CDH6: variants seen among roughly 807,000 people sequenced by gnomAD.
CDH6 encodes the protein cadherin 6.
In CDH6, 31 loss-of-function variants were observed where a neutral mutation model predicts 78.0. That is an observed-to-expected ratio of 0.40 (90% CI 0.30 to 0.54). The LOEUF (loss-of-function observed/expected upper bound fraction) is 0.54. Ranked by LOEUF, CDH6 falls within the 20% of genes least tolerant of loss-of-function variation. The pLI, the probability that CDH6 is intolerant of heterozygous loss-of-function variation, is 0.56. For missense variants in CDH6, 724 were observed against 975.9 expected (o/e 0.74, Z 3.44); for synonymous variants, 376 against 368.8 (o/e 1.02, Z -0.23).
rs1265341879 is a variant in CDH6, at chr5:31,299,158, A to G, written c.644-306A>G. 2.0e-5 allele frequency among the ~76,000 whole-genome samples: 3 copies of G among 152,236 alleles called. No individual in the cohort carries two copies. The East Asian group carries it at 5.8e-4, about 29-fold the overall frequency. ...TCATCTTATAACACTTAATGTTTAT[A>G]CATCCATAATGTAATTATAATATTG... On this transcript the variant is annotated intron_variant, in intron 4 of 11. Transcript: ENST00000265071.
intron 1 of CDH6, among the ~76,000 whole-genome samples, chr5:31,240,949 C>A (rs1741585763): frequency 6.6e-6 from 1 of 152,204 alleles, no homozygotes; most frequent in African/African-American, 2.4e-5. Flanking sequence ...ATAGTCCAGG[C>A]TAGTCCTGTC....
At chr5:31,302,895 G>GAAA (rs1383970026) in intron 6 of CDH6, among the ~76,000 whole-genome samples, 1 of 91,240 alleles carries the variant, frequency 1.1e-5, no homozygotes, top group Non-Finnish European at 2.3e-5. Context: ...AGGAAAGAAA[G>GAAA]AAAGAAAAAA....
In CDH6 at chr5:31,267,364, G is replaced by C. The variant is rs1350506062; in HGVS notation, c.-110G>C. 4 of 759,170 alleles carry C rather than the reference G, an allele frequency of 5.3e-6. No homozygotes were observed. Among genetic ancestry groups the C allele is most frequent in the Non-Finnish European group, 9.0e-6 (4 of 446,096 alleles). The allele number at this position is 759,170 out of a possible 1,614,324, so 47.0% of individuals were successfully genotyped here. A position where few individuals can be genotyped will look rare whatever the true frequency, so the allele number is the denominator to read the frequency against. On this transcript the variant is annotated 5_prime_UTR_variant, in exon 2 of 12. Coordinates refer to ENST00000265071, the MANE Select transcript of CDH6 (RefSeq NM_004932.4). ...TTTCCAGATATCCTCTGAGAGCCAAGCAAAGAACATTAAGGAAGGAAGGAG... is the reference window on the plus strand; with the variant it reads ...TTTCCAGATATCCTCTGAGAGCCAACCAAAGAACATTAAGGAAGGAAGGAG...
intron 1 of CDH6, among the ~76,000 whole-genome samples, chr5:31,209,873 A>T (rs1461594151): frequency 6.6e-6 from 1 of 152,008 alleles, no homozygotes; most frequent in African/African-American, 2.4e-5. Flanking sequence ...TGGCAATTGG[A>T]GCTACACCCT....
rs1157554602 is a variant in CDH6, at chr5:31,302,964, A to G, written c.999+666A>G. Reference sequence around the variant, plus strand: ...GAAAGAAAGAAAGAAAGAAGGAAAGAAAAGAAAGAAAGAAAGAAAGAAAAC... The same window carrying G: ...GAAAGAAAGAAAGAAAGAAGGAAAGGAAAGAAAGAAAGAAAGAAAGAAAAC... On this transcript the variant is annotated intron_variant, in intron 6 of 11. Coordinates refer to ENST00000265071, the MANE Select transcript of CDH6 (RefSeq NM_004932.4). Among the ~76,000 whole-genome samples, 266 of 111,712 alleles carry G rather than the reference A, an allele frequency of 2.4e-3. 1 individual carries two copies. The highest frequency in any genetic ancestry group is 7.9e-3 in the African/African-American group (239 of 30,216). The allele number at this position is 111,712 out of a possible 152,430, so 73.3% of individuals were successfully genotyped here.
chr5:31,256,323 C>T (rs914311339), intron 1 of CDH6, among the ~76,000 whole-genome samples: 3 of 152,140 alleles, frequency 2.0e-5, no homozygotes, highest in Non-Finnish European at 4.4e-5. Flanking sequence ...ACAGATTCCT[C>T]CCCATCACTT....
At chr5:31,228,620 T>C (rs1447981823) in intron 1 of CDH6, among the ~76,000 whole-genome samples, 1 of 152,228 alleles carries the variant, frequency 6.6e-6, no homozygotes, top group Non-Finnish European at 1.5e-5. Flanking sequence ...GCAGAGGATA[T>C]GGTTTCAGGA....
At chr5:31,310,170 T>A (rs1738106838) in intron 7 of CDH6, among the ~76,000 whole-genome samples, 1 of 152,202 alleles carries the variant, frequency 6.6e-6, no homozygotes, top group Admixed American at 6.5e-5. Flanking sequence ...TTCCATACAA[T>A]GGGGTTACAG....
chr5:31,202,936 C>A (rs1355706647), intron 1 of CDH6, among the ~76,000 whole-genome samples: 1 of 151,768 alleles, frequency 6.6e-6, no homozygotes, highest in Non-Finnish European at 1.5e-5. Context: ...TAATTTAATA[C>A]CAATCAAAAT....
chr5:31,208,266 C>T (rs1167336476), intron 1 of CDH6, among the ~76,000 whole-genome samples: 1 of 152,200 alleles, frequency 6.6e-6, no homozygotes, highest in Non-Finnish European at 1.5e-5. Context: ...TCCATCCAAG[C>T]CGCAAGGGGT....
intron 1 of CDH6, among the ~76,000 whole-genome samples, chr5:31,199,433 T>G: frequency 5.5e-5 from 2 of 36,492 alleles, no homozygotes; most frequent in Non-Finnish European, 1.2e-4. Flanking sequence ...TACACACATA[T>G]GTGTATATAT....
intron 1 of CDH6, among the ~76,000 whole-genome samples, chr5:31,206,611 A>T (rs1740529226): frequency 6.6e-6 from 1 of 152,214 alleles, no homozygotes; most frequent in South Asian, 2.1e-4. Flanking sequence ...CCCTGTGCTC[A>T]GTTCTGCAGA....
At chr5:31,318,256 G>T (rs1173200240) in intron 11 of CDH6, 2 of 563,488 alleles carry the variant, frequency 3.5e-6, no homozygotes, top group Non-Finnish European at 6.3e-6. Flanking sequence ...TTTTTTACTT[G>T]GAAAACGTTG....
In CDH6 at chr5:31,325,166, T is replaced by A. The variant is rs551166269; in HGVS notation, c.*1858T>A. The A allele has an allele frequency of 4.4e-6, 1 of 228,222 alleles. No homozygotes were observed. The highest frequency in any genetic ancestry group is 8.7e-6 in the Non-Finnish European group (1 of 115,026). 14.1% of individuals were successfully genotyped at this position (228,222 alleles called of 1,614,324 possible). ...AAATGTAGTATTTTGGGTTACCTGA[T>A]TAGAGTGAAAATTTTTTACAATCAT... On this transcript the variant is annotated 3_prime_UTR_variant, in exon 12 of 12. Transcript: ENST00000265071.
chr5:31,195,059 A>G (rs1315166652), intron 1 of CDH6, among the ~76,000 whole-genome samples: 3 of 151,924 alleles, frequency 2.0e-5, no homozygotes, highest in African/African-American at 7.3e-5. Flanking sequence ...TGGAATAGCC[A>G]CACATTTCTG....
At chr5:31,269,754 C>G (rs147716241) in intron 2 of CDH6, among the ~76,000 whole-genome samples, 206 of 152,316 alleles carry the variant, frequency 1.4e-3, no homozygotes, top group Admixed American at 2.3e-3. Flanking sequence ...ACAACCACAG[C>G]TTTGACTGGA....
intron 6 of CDH6, among the ~76,000 whole-genome samples, chr5:31,303,280 A>G (rs758511120): frequency 2.9e-4 from 44 of 152,132 alleles, no homozygotes; most frequent in Non-Finnish European, 1.2e-4. Context: ...GGAGCCAAGT[A>G]AACAAACAAA....
chr5:31,241,889 C>T (rs1300531846), intron 1 of CDH6, among the ~76,000 whole-genome samples: 1 of 152,190 alleles, frequency 6.6e-6, no homozygotes, highest in African/African-American at 2.4e-5. Context: ...CAGTCTATGC[C>T]ATAGAGTTGT....
At chr5:31,199,685 G>GTGTATATATATATATATATATATATA (rs796740950) in intron 1 of CDH6, among the ~76,000 whole-genome samples, 1 of 79,852 alleles carries the variant, frequency 1.3e-5, no homozygotes, top group Non-Finnish European at 2.4e-5. Flanking sequence ...GTGTGTGTGT[G>GTGTATATATATATATATATATATATA]TATATATATA....
Sources: allele counts gnomAD v4.1 joint callset (sites outside exome capture counted in the v4.1 genomes callset), GRCh38; gene constraint gnomAD v4.1.1; transcripts MANE v1.5; gene names NCBI Gene and HGNC (gene_info 2026-07-23, HGNC 2026-07-21).